The following TTC28 variants were observed in gnomAD, a reference collection of about 807,000 sequenced individuals.
TTC28 encodes the protein tetratricopeptide repeat protein 28.
Under a neutral mutation model 198.0 loss-of-function variants are expected in TTC28, and 61 were observed. That is an observed-to-expected ratio of 0.31 (90% CI 0.25 to 0.38). The LOEUF is 0.38. Ranked by LOEUF, TTC28 falls within the 10% of genes least tolerant of loss-of-function variation. The probability of loss-of-function intolerance (pLI) is 1.00; values close to 1 mark genes in which losing one functional copy is unlikely to be tolerated. For synonymous variants in TTC28, 1,171 were observed against 1,297.8 expected (o/e 0.90, Z 2.10); for missense variants, 2,678 against 3,164.0 (o/e 0.85, Z 3.69).
chr22:28,124,108 G>C (rs550139468), intron 6 of TTC28, among the ~76,000 whole-genome samples: 2 of 152,216 alleles, frequency 1.3e-5, no homozygotes, highest in Admixed American at 1.3e-4. Flanking sequence ...AGGTCTGCTT[G>C]TCTTCTGAGA....
At chr22:28,306,981 C>G (rs1003771855) in intron 2 of TTC28, among the ~76,000 whole-genome samples, 1 of 152,234 alleles carries the variant, frequency 6.6e-6, no homozygotes, top group African/African-American at 2.4e-5. Flanking sequence ...AGGAAAGGGA[C>G]TTGAAGATCT....
At chr22:28,316,365 A>T (rs2045352314) in intron 2 of TTC28, among the ~76,000 whole-genome samples, 1 of 152,166 alleles carries the variant, frequency 6.6e-6, no homozygotes, top group Non-Finnish European at 1.5e-5. Flanking sequence ...AGGAAGTTTT[A>T]AAATTGGGTA....
At position 28,576,709 on chromosome 22, in the gene TTC28, T is replaced by C. The variant is rs145984091; in HGVS notation, c.381+52843A>G. ...TTTTCAATTTCTTCATGGCTCAATCTTGGTAGGCTATATGTGTCTAGGAAT... is the reference window on the plus strand; with the variant it reads ...TTTTCAATTTCTTCATGGCTCAATCCTGGTAGGCTATATGTGTCTAGGAAT... On this transcript the variant is annotated intron_variant, in intron 2 of 22. Coordinates refer to ENST00000397906, the MANE Select transcript of TTC28 (RefSeq NM_001145418.2). Among the ~76,000 whole-genome samples, 192 of 152,254 alleles carry C rather than the reference T, an allele frequency of 1.3e-3. 2 individuals carry two copies. The highest frequency in any genetic ancestry group is 4.2e-3 in the African/African-American group (176 of 41,588).
At chr22:28,053,009 G>A (rs1412504326) in intron 12 of TTC28, among the ~76,000 whole-genome samples, 1 of 152,244 alleles carries the variant, frequency 6.6e-6, no homozygotes, top group African/African-American at 2.4e-5. Flanking sequence ...CATGTGGATG[G>A]CACTCCACAG....
intron 5 of TTC28, among the ~76,000 whole-genome samples, chr22:28,181,568 C>G (rs1923699976): frequency 6.6e-6 from 1 of 152,096 alleles, no homozygotes. Context: ...AAACTTGATG[C>G]AATACAACAG....
At chr22:28,566,099 AC>A (rs66746766) in intron 2 of TTC28, among the ~76,000 whole-genome samples, 39,821 of 151,992 alleles carry the variant, frequency 0.26, 6,532 homozygotes, top group South Asian at 0.38. Context: ...TTGGGTCAAT[AC>A]CCCTGCTTTT....
At chr22:28,164,119 G>C (rs1270473457) in intron 5 of TTC28, among the ~76,000 whole-genome samples, 2 of 152,182 alleles carry the variant, frequency 1.3e-5, no homozygotes, top group African/African-American at 4.8e-5. Context: ...CATTGCCAAG[G>C]CTTGAGTAGG....
chr22:28,334,047 T>C (rs1337655178), intron 2 of TTC28, among the ~76,000 whole-genome samples: 5 of 132,016 alleles, frequency 3.8e-5, no homozygotes, highest in Admixed American at 8.7e-5. Context: ...TTCCCCTTTC[T>C]GTGTCCATGT....
At chr22:28,154,481 G>C (rs530753802) in intron 6 of TTC28, among the ~76,000 whole-genome samples, 1 of 151,962 alleles carries the variant, frequency 6.6e-6, no homozygotes, top group South Asian at 2.1e-4. Context: ...CCTCTGAGTA[G>C]CTGGGACTAC....
intron 2 of TTC28, among the ~76,000 whole-genome samples, chr22:28,329,691 T>C (rs1326291174): frequency 2.0e-5 from 3 of 152,182 alleles, no homozygotes; most frequent in Non-Finnish European, 4.4e-5. Flanking sequence ...TTTGTTTTTT[T>C]AGGTAGTTAT....
chr22:28,670,776 A>G (rs1219059078), intron 1 of TTC28, among the ~76,000 whole-genome samples: 2 of 150,150 alleles, frequency 1.3e-5, no homozygotes, highest in African/African-American at 4.9e-5. Flanking sequence ...TTTTGAGGAG[A>G]TGCCAAAGCA....
At chr22:28,525,182 C>A (rs1405601547) in intron 2 of TTC28, among the ~76,000 whole-genome samples, 1 of 152,136 alleles carries the variant, frequency 6.6e-6, no homozygotes, top group Non-Finnish European at 1.5e-5. Flanking sequence ...ACGGGTCTCA[C>A]TCTGTCACCG....
At chr22:28,294,876 CAT>C (rs1234829011) in intron 5 of TTC28, among the ~76,000 whole-genome samples, 1 of 152,110 alleles carries the variant, frequency 6.6e-6, no homozygotes, top group African/African-American at 2.4e-5. Context: ...CAGCTCTTGA[CAT>C]ATTTATAGCA....
intron 1 of TTC28, among the ~76,000 whole-genome samples, chr22:28,630,810 ATATTTG>A (rs1262481519): frequency 1.3e-5 from 2 of 152,224 alleles, no homozygotes; most frequent in Non-Finnish European, 2.9e-5. Flanking sequence ...ACATACATGT[ATATTTG>A]TATTTGTATT....
intron 2 of TTC28, among the ~76,000 whole-genome samples, chr22:28,597,353 G>T (rs772963784): frequency 6.6e-6 from 1 of 152,096 alleles, no homozygotes; most frequent in Non-Finnish European, 1.5e-5. Context: ...ACTTTTCCCA[G>T]TCTCTGGCAA....
At chr22:28,603,748 C>T (rs1011280478) in intron 2 of TTC28, among the ~76,000 whole-genome samples, 3 of 151,904 alleles carry the variant, frequency 2.0e-5, no homozygotes, top group African/African-American at 7.3e-5. Flanking sequence ...TAACAGTCCT[C>T]TTGAAAACTG....
At chr22:28,018,277 G>GTA (rs1555903299) in intron 13 of TTC28, among the ~76,000 whole-genome samples, 1 of 125,980 alleles carries the variant, frequency 7.9e-6, no homozygotes, top group South Asian at 2.8e-4. Context: ...GTGTGTGTGT[G>GTA]TATGTGTGTG....
chr22:28,482,132 C>T (rs1429486816), intron 2 of TTC28, among the ~76,000 whole-genome samples: 1 of 151,074 alleles, frequency 6.6e-6, no homozygotes, highest in Non-Finnish European at 1.5e-5. Context: ...ACTAGCGCAG[C>T]AGATACTCTA....
intron 5 of TTC28, among the ~76,000 whole-genome samples, chr22:28,236,623 T>C (rs1371335528): frequency 6.6e-6 from 1 of 152,196 alleles, no homozygotes; most frequent in South Asian, 2.1e-4. Flanking sequence ...GCTGATGCCA[T>C]TGTACAACAG....
Sources: allele counts gnomAD v4.1 joint callset (sites outside exome capture counted in the v4.1 genomes callset), GRCh38; gene constraint gnomAD v4.1.1; transcripts MANE v1.5; gene names NCBI Gene and HGNC (gene_info 2026-07-23, HGNC 2026-07-21).